DOCK8: variants seen among roughly 807,000 people sequenced by gnomAD.
DOCK8 encodes the protein dedicator of cytokinesis protein 8.
Under a neutral mutation model 245.6 loss-of-function variants are expected in DOCK8, and 141 were observed. That is an observed-to-expected ratio of 0.57 (90% CI 0.50 to 0.66). The LOEUF is 0.66. Ranked by LOEUF, DOCK8 falls within the 30% of genes least tolerant of loss-of-function variation. The pLI is 0.00. For missense variants in DOCK8, 2,965 were observed against 2,603.4 expected (o/e 1.14, Z -3.02); for synonymous variants, 1,168 against 970.2 (o/e 1.20, Z -3.79).
At chr9:235,479 G>C (rs542839468) in intron 1 of DOCK8, among the ~76,000 whole-genome samples, 1 of 152,330 alleles carries the variant, frequency 6.6e-6, no homozygotes, top group Admixed American at 6.5e-5. Context: ...TTGTTTGTCT[G>C]TGCCCTGCCC....
chr9:340,201 A>T lies in DOCK8; in HGVS notation c.1559A>T (p.Asn520Ile), dbSNP rs190532814. 3 of 1,614,144 alleles carry T rather than the reference A, an allele frequency of 1.9e-6. No homozygotes were observed. The South Asian group carries it at 3.3e-5, about 18-fold the overall frequency. Residue 520 changes from asparagine (N) to isoleucine (I), a missense_variant, in exon 14 of 48, where the codon AAT becomes ATT. Physicochemically the swap from Asn to Ile is moderately radical, Grantham distance 149. Coordinates refer to ENST00000432829, the MANE Select transcript of DOCK8 (RefSeq NM_203447.4). ...ATTTCTACAGCTCCAGAGATCATCA[A>T]TTGCTGTCTGACTCCTGAAATGCTG... is the stretch of plus-strand genomic sequence containing the variant. ...LEISTAPEII[N>I]CCLTPEMLPV...
At chr9:433,167 C>G (rs2056777401) in intron 37 of DOCK8, among the ~76,000 whole-genome samples, 1 of 152,198 alleles carries the variant, frequency 6.6e-6, no homozygotes, top group Non-Finnish European at 1.5e-5. Context: ...TTAGTTCCAT[C>G]ATTTATATAG....
At chr9:388,078 G>T (rs1408616824) in intron 23 of DOCK8, among the ~76,000 whole-genome samples, 1 of 152,192 alleles carries the variant, frequency 6.6e-6, no homozygotes, top group Non-Finnish European at 1.5e-5. Context: ...GCTTATCCTT[G>T]TCTAATCTCT....
In DOCK8 at chr9:273,455, TTGAC is replaced by T. The variant is rs1408372792; in HGVS notation, c.156+1730_156+1733del. On this transcript the variant is annotated intron_variant, in intron 2 of 47. Coordinates refer to ENST00000432829, the MANE Select transcript of DOCK8 (RefSeq NM_203447.4). ...GAAAAATCAAAAAAATTTTTTTAAA[TTGAC>T]TGAAGTTGTATTCCAAAACATGCAA... Among the ~76,000 whole-genome samples the T allele has an allele frequency of 2.6e-5, 4 of 152,308 alleles. No homozygotes were observed. The East Asian group carries it at 5.8e-4, about 22-fold the overall frequency.
intron 2 of DOCK8, among the ~76,000 whole-genome samples, chr9:278,962 C>T (rs148456266): frequency 4.7e-4 from 71 of 152,142 alleles, no homozygotes; most frequent in African/African-American, 1.5e-3. Flanking sequence ...ATAGACTGGA[C>T]GAGGGAGGGC....
At chr9:386,641 A>G (rs1187331518) in intron 23 of DOCK8, among the ~76,000 whole-genome samples, 1 of 152,134 alleles carries the variant, frequency 6.6e-6, no homozygotes, top group East Asian at 1.9e-4. Context: ...CCACTTTCTC[A>G]TGCATCAGAA....
At chr9:301,986 T>TA (rs995418309) in intron 4 of DOCK8, among the ~76,000 whole-genome samples, 1 of 151,012 alleles carries the variant, frequency 6.6e-6, no homozygotes, top group African/African-American at 2.4e-5. Flanking sequence ...TCACAGAATT[T>TA]AAAAAAAAAA....
rs2052362091 is a variant in DOCK8, at chr9:355,141, C to T, written c.1680-12877C>T. ...TTAATTTTGTGGATGCTGAGGACAA[C>T]GTGCCTCATGAAAAGTGTTCCCATC... On this transcript the variant is annotated intron_variant, in intron 14 of 47. Transcript: ENST00000432829. 2.7e-5 allele frequency among the ~76,000 whole-genome samples: 4 copies of T among 150,848 alleles called. No individual in the cohort carries two copies. The South Asian group carries it at 6.3e-4, about 24-fold the overall frequency.
intron 14 of DOCK8, among the ~76,000 whole-genome samples, chr9:344,756 T>C (rs908861992): frequency 1.5e-4 from 23 of 152,132 alleles, no homozygotes; most frequent in African/African-American, 4.6e-4. Flanking sequence ...CCAAGAGTAT[T>C]ATCATTTTGG....
chr9:457,790 G>A lies in DOCK8; in HGVS notation c.6068+5673G>A, dbSNP rs149064537. Among the ~76,000 whole-genome samples the A allele has an allele frequency of 1.4e-4, 21 of 152,320 alleles. No individual in the cohort carries two copies. The East Asian group carries it at 4.0e-3, about 29-fold the overall frequency. On this transcript the variant is annotated intron_variant, in intron 46 of 47. Coordinates refer to ENST00000432829, the MANE Select transcript of DOCK8 (RefSeq NM_203447.4). ...GCCTGGGTCTGTCAGGCATAATAACGCTACCATGTGCTCTGGCTTCAGCTG... is the reference window on the plus strand; with the variant it reads ...GCCTGGGTCTGTCAGGCATAATAACACTACCATGTGCTCTGGCTTCAGCTG...
In DOCK8 at chr9:317,046, G is replaced by A. The variant is rs202110964; in HGVS notation, c.745G>A (p.Asp249Asn). 168 of 1,612,112 alleles carry A rather than the reference G, an allele frequency of 1.0e-4. No homozygotes were observed. Among genetic ancestry groups the A allele is most frequent in the Non-Finnish European group, 1.3e-4 (159 of 1,178,270 alleles). ...FALYPSVDEEDAVEIRPVPEC... is the reference protein window; with the variant it reads ...FALYPSVDEENAVEIRPVPEC... ...CTTACGATGTGATTAAAAATAGGAG[G>A]ATGCTGTGGAAATACGTCCAGTACC... The change falls in exon 7 of 48, where the codon GAT (aspartate) becomes AAT (asparagine). Residue 249 changes from aspartate (D) to asparagine (N), a missense_variant. Transcript: ENST00000432829.
chr9:436,829 A>T (rs1411565513), intron 39 of DOCK8, among the ~76,000 whole-genome samples: 1 of 152,246 alleles, frequency 6.6e-6, no homozygotes, highest in South Asian at 2.1e-4. Flanking sequence ...AGAGAGACGT[A>T]ATATAACTAA....
intron 14 of DOCK8, among the ~76,000 whole-genome samples, chr9:358,286 A>T (rs933033330): frequency 1.3e-5 from 2 of 151,994 alleles, no homozygotes; most frequent in Admixed American, 1.3e-4. Context: ...ATGGGGTCTC[A>T]CTATGTTCCC....
chr9:433,834 C>G (rs1375436716), intron 37 of DOCK8, 41 bp from the exon 38 acceptor site: 1 of 1,508,792 alleles, frequency 6.6e-7, no homozygotes, highest in Non-Finnish European at 9.2e-7. Context: ...TCACCTGGGA[C>G]TACAAAGCTA....
At chr9:422,654 G>C (rs1040287981) in intron 33 of DOCK8, among the ~76,000 whole-genome samples, 30 of 152,174 alleles carry the variant, frequency 2.0e-4, no homozygotes, top group African/African-American at 7.0e-4. Flanking sequence ...ATGGGGAAAT[G>C]CTTATGACAT....
chr9:288,364 T>G (rs1315641250), intron 3 of DOCK8, among the ~76,000 whole-genome samples: 1 of 152,186 alleles, frequency 6.6e-6, no homozygotes, highest in Non-Finnish European at 1.5e-5. Context: ...GTGAGCTGCC[T>G]GGATTCAGGT....
rs1437223734 is a variant in DOCK8 at position 317,117 on chromosome 9, G to T, written c.816G>T (p.Leu272Phe). 3 of 1,613,054 alleles carry T rather than the reference G, an allele frequency of 1.9e-6. No homozygotes were observed. Among genetic ancestry groups the T allele is most frequent in the Non-Finnish European group, 2.5e-6 (3 of 1,179,020 alleles). ...TGGGCAACAGAATATTGGTCAAGTT[G>T]CTGACCTTGAAGTAAGTATCAACAA... The part of the protein sequence containing the change: ...EHLGNRILVK[L>F]LTLKFEIEIE... Residue 272 changes from leucine (L) to phenylalanine (F), a missense_variant, in exon 7 of 48, where the codon TTG (leucine) becomes TTT (phenylalanine). By Grantham distance (22) the Leu-to-Phe change is conservative. Coordinates refer to ENST00000432829, the MANE Select transcript of DOCK8 (RefSeq NM_203447.4).
chr9:400,036 ACCACCACCT>A (rs2054708659), intron 26 of DOCK8, among the ~76,000 whole-genome samples: 1 of 128,362 alleles, frequency 7.8e-6, no homozygotes, highest in Admixed American at 7.6e-5. Context: ...CACCATCACC[ACCACCACCT>A]CCACCATCAC....
intron 2 of DOCK8, among the ~76,000 whole-genome samples, chr9:277,979 T>C (rs1030986446): frequency 6.6e-6 from 1 of 152,234 alleles, no homozygotes; most frequent in Admixed American, 6.5e-5. Context: ...TCTTTTATTC[T>C]TCTGATTCTG....
Sources: gnomAD v4.1 joint callset for allele counts (sites outside exome capture counted in the v4.1 genomes callset) on GRCh38, gnomAD v4.1.1 for gene constraint, MANE v1.5 for transcripts, NCBI Gene and HGNC (gene_info 2026-07-23, HGNC 2026-07-21) for gene names.